SPTLC2: variants seen among roughly 807,000 people sequenced by gnomAD.
The protein encoded by SPTLC2 is serine palmitoyltransferase 2.
In SPTLC2, 21 loss-of-function variants were observed where a neutral mutation model predicts 62.0. That is an observed-to-expected ratio of 0.34 (90% CI 0.24 to 0.49). The LOEUF (loss-of-function observed/expected upper bound fraction) is 0.49, where lower values mean the gene tolerates loss of function less well. SPTLC2 is among the 20% of genes least tolerant of loss of function. The pLI is 0.99. For synonymous variants in SPTLC2, 261 were observed against 261.8 expected (o/e 1.00, Z 0.03); for missense variants, 511 against 713.0 (o/e 0.72, Z 3.23).
intron 9 of SPTLC2, among the ~76,000 whole-genome samples, chr14:77,549,652 C>G (rs778184934): frequency 6.6e-6 from 1 of 152,180 alleles, no homozygotes; most frequent in Admixed American, 6.5e-5. Context: ...GTGCCCTGAC[C>G]GAATTCTTGA....
chr14:77,567,305 G>C (rs997364674), intron 5 of SPTLC2, among the ~76,000 whole-genome samples: 1 of 152,180 alleles, frequency 6.6e-6, no homozygotes, highest in Non-Finnish European at 1.5e-5. Context: ...TGTAGAAAAC[G>C]TCTAATTCTA....
chr14:77,535,073 A>G (rs1162122697), intron 9 of SPTLC2, among the ~76,000 whole-genome samples: 1 of 152,128 alleles, frequency 6.6e-6, no homozygotes, highest in Non-Finnish European at 1.5e-5. Flanking sequence ...GATTACAGGC[A>G]TGCGCCACCA....
chr14:77,535,077 G>A (rs1357513283), intron 9 of SPTLC2, among the ~76,000 whole-genome samples: 2 of 152,084 alleles, frequency 1.3e-5, no homozygotes, highest in African/African-American at 4.8e-5. Flanking sequence ...ACAGGCATGC[G>A]CCACCACACC....
intron 9 of SPTLC2, 36 bp from the exon 10 acceptor site, chr14:77,521,617 T>G: frequency 6.3e-7 from 1 of 1,588,714 alleles, no homozygotes; most frequent in Non-Finnish European, 8.6e-7. Context: ...AAAATAATCC[T>G]AAGTAAAAAG....
intron 9 of SPTLC2, among the ~76,000 whole-genome samples, chr14:77,542,453 G>T (rs189610822): frequency 5.6e-4 from 85 of 152,260 alleles, no homozygotes; most frequent in Admixed American, 6.5e-4. Context: ...GTGCCCCAGA[G>T]AACAGTCTTG....
chr14:77,519,331 G>A (rs1452140481), intron 10 of SPTLC2, among the ~76,000 whole-genome samples: 1 of 152,058 alleles, frequency 6.6e-6, no homozygotes, highest in East Asian at 1.9e-4. Context: ...CACTGTGCCT[G>A]GCCCAAATTA....
chr14:77,579,305 A>G (rs1595002150), intron 2 of SPTLC2, among the ~76,000 whole-genome samples, 196 bp from the exon 3 acceptor site: 1 of 152,228 alleles, frequency 6.6e-6, no homozygotes. Context: ...GTACCCATTA[A>G]GTAATTTCTC....
At chr14:77,578,911 C>T (rs1175920978) in intron 3 of SPTLC2, 44 bp downstream of exon 3, 3 of 1,605,798 alleles carry the variant, frequency 1.9e-6, no homozygotes, top group Admixed American at 1.7e-5. Context: ...AATGAAGAAA[C>T]CCTTTTGTAA....
intron 1 of SPTLC2, among the ~76,000 whole-genome samples, chr14:77,605,568 T>C (rs942644029): frequency 6.6e-6 from 1 of 152,188 alleles, no homozygotes; most frequent in Non-Finnish European, 1.5e-5. Context: ...GTGCCAGCCA[T>C]TTCCTCTCTC....
At chr14:77,531,500 C>CTT (rs1316199062) in intron 9 of SPTLC2, among the ~76,000 whole-genome samples, 8 of 112,942 alleles carry the variant, frequency 7.1e-5, no homozygotes, top group African/African-American at 2.8e-4. Flanking sequence ...TCCTCCTCCT[C>CTT]CTCCTCCTCT....
At chr14:77,560,185 T>C (rs1395292102) in intron 6 of SPTLC2, among the ~76,000 whole-genome samples, 1 of 152,224 alleles carries the variant, frequency 6.6e-6, no homozygotes. Context: ...TCTCATGTTG[T>C]TGAGGAAAAA....
chr14:77,595,099 C>T (rs960275413), intron 2 of SPTLC2, among the ~76,000 whole-genome samples: 13 of 152,082 alleles, frequency 8.5e-5, no homozygotes, highest in African/African-American at 2.7e-4. Context: ...CACAGTGGCT[C>T]GCATCTGTAA....
At chr14:77,591,656 G>A (rs2079817202) in intron 2 of SPTLC2, among the ~76,000 whole-genome samples, 1 of 152,052 alleles carries the variant, frequency 6.6e-6, no homozygotes, top group Non-Finnish European at 1.5e-5. Flanking sequence ...CACCTCCCAG[G>A]TTCAGATGAT....
chr14:77,534,463 A>T (rs188184056), intron 9 of SPTLC2, among the ~76,000 whole-genome samples: 2 of 152,216 alleles, frequency 1.3e-5, no homozygotes, highest in East Asian at 3.9e-4. Flanking sequence ...AACACTAAAG[A>T]AGTCAAATTA....
chr14:77,581,412 T>A (rs1221385706), intron 2 of SPTLC2, among the ~76,000 whole-genome samples: 1 of 144,756 alleles, frequency 6.9e-6, no homozygotes, highest in East Asian at 2.0e-4. Flanking sequence ...TCTCTTTTTT[T>A]TTTTTTTTTT....
chr14:77,574,138 C>G (rs535776365), intron 4 of SPTLC2, among the ~76,000 whole-genome samples: 1 of 152,182 alleles, frequency 6.6e-6, no homozygotes, highest in African/African-American at 2.4e-5. Flanking sequence ...TTTTAAGTCA[C>G]TCTGTTCTGA....
intron 6 of SPTLC2, among the ~76,000 whole-genome samples, chr14:77,561,611 CA>C (rs1187006995): frequency 0.12 from 11,462 of 96,320 alleles, 894 homozygotes; most frequent in African/African-American, 0.3. Flanking sequence ...ACTCTAGCCT[CA>C]AAAAAAAAAA....
chr14:77,594,839 T>G (rs1259403705), intron 2 of SPTLC2, among the ~76,000 whole-genome samples: 1 of 146,516 alleles, frequency 6.8e-6, no homozygotes, highest in Non-Finnish European at 1.5e-5. Context: ...GAGAGGTCCC[T>G]GCAGATAAAG....
At position 77,565,500 on chromosome 14, in the gene SPTLC2, G is replaced by A. The variant is rs78662219; in HGVS notation, c.757-3011C>T. Reference sequence around the variant, plus strand: ...ATGTATCAAAACCACATAGTCTCTCGCATGATTCACTGAGAATGGTATCAC... The same window carrying A: ...ATGTATCAAAACCACATAGTCTCTCACATGATTCACTGAGAATGGTATCAC... On this transcript the variant is annotated intron_variant, in intron 5 of 11. Coordinates refer to ENST00000216484, the MANE Select transcript of SPTLC2 (RefSeq NM_004863.4). 1.4e-3 allele frequency among the ~76,000 whole-genome samples: 211 copies of A among 152,254 alleles called. 1 individual carries two copies. Among genetic ancestry groups the A allele is most frequent in the African/African-American group, 4.8e-3 (198 of 41,550 alleles).
Sources: gnomAD v4.1 joint callset for allele counts (sites outside exome capture counted in the v4.1 genomes callset) on GRCh38, gnomAD v4.1.1 for gene constraint, MANE v1.5 for transcripts, NCBI Gene and HGNC (gene_info 2026-07-23, HGNC 2026-07-21) for gene names.